Variants in ESR1 observed in about 807,000 individuals in gnomAD.
ESR1 encodes estrogen receptor.
Under a neutral mutation model 52.7 loss-of-function variants are expected in ESR1, and 12 were observed. The observed-to-expected ratio is 0.23, with a 90% CI of 0.15 to 0.37. The LOEUF (loss-of-function observed/expected upper bound fraction) is 0.37. Ranked by LOEUF, ESR1 falls within the 10% of genes least tolerant of loss-of-function variation. ESR1 has a pLI of 1.00. For synonymous variants in ESR1, 305 were observed against 316.8 expected (o/e 0.96, Z 0.39); for missense variants, 584 against 779.7 (o/e 0.75, Z 2.99).
chr6:151,995,515 A>G (rs1365342763), intron 4 of ESR1, among the ~76,000 whole-genome samples: 1 of 152,202 alleles, frequency 6.6e-6, no homozygotes, highest in Non-Finnish European at 1.5e-5. Context: ...GCTTCAAGTA[A>G]AATTATGACT....
At chr6:151,836,829 G>A (rs1783413698) in intron 1 of ESR1, among the ~76,000 whole-genome samples, 1 of 152,096 alleles carries the variant, frequency 6.6e-6, no homozygotes, top group Admixed American at 6.5e-5. Flanking sequence ...TCTAGGAAGT[G>A]GACATCTATT....
At chr6:151,962,682 T>A (rs980449038) in intron 4 of ESR1, among the ~76,000 whole-genome samples, 3 of 152,216 alleles carry the variant, frequency 2.0e-5, no homozygotes, top group African/African-American at 7.2e-5. Context: ...GGCTCTTTGA[T>A]CTCTGGTGTT....
chr6:152,047,484 A>G (rs1403162490), intron 5 of ESR1, among the ~76,000 whole-genome samples: 1 of 152,178 alleles, frequency 6.6e-6, no homozygotes, highest in Non-Finnish European at 1.5e-5. Context: ...AGGCATTTCA[A>G]TGGCCATGAT....
intron 3 of ESR1, among the ~76,000 whole-genome samples, chr6:151,924,288 G>T (rs184594672): frequency 6.6e-6 from 1 of 152,082 alleles, no homozygotes; most frequent in Non-Finnish European, 1.5e-5. Context: ...TGATCCACCC[G>T]CCCTGGCCTC....
intron 2 of ESR1, among the ~76,000 whole-genome samples, chr6:151,725,770 T>C (rs1308325379): frequency 6.6e-6 from 1 of 152,266 alleles, no homozygotes; most frequent in Admixed American, 6.5e-5. Flanking sequence ...GTCTGAATTT[T>C]GTCCTCTGGG....
At chr6:151,713,072 C>CT (rs1247325420) in intron 2 of ESR1, among the ~76,000 whole-genome samples, 1 of 151,978 alleles carries the variant, frequency 6.6e-6, no homozygotes, top group African/African-American at 2.4e-5. Flanking sequence ...TATTGAAGGC[C>CT]TTTTTTTCAT....
At chr6:151,675,547 A>T (rs1316116654) in intron 1 of ESR1, among the ~76,000 whole-genome samples, 2 of 152,090 alleles carry the variant, frequency 1.3e-5, no homozygotes, top group Non-Finnish European at 2.9e-5. Context: ...ACTGGAATGA[A>T]AAAAAAATCA....
intron 2 of ESR1, among the ~76,000 whole-genome samples, chr6:151,739,184 C>G (rs1782893061): frequency 6.6e-6 from 1 of 152,158 alleles, no homozygotes; most frequent in Non-Finnish European, 1.5e-5. Flanking sequence ...TGGTAATTGT[C>G]AGATTTCTAG....
intron 3 of ESR1, among the ~76,000 whole-genome samples, chr6:151,927,274 G>A (rs2032899626): frequency 6.6e-6 from 1 of 152,124 alleles, no homozygotes. Flanking sequence ...TTGTGCCAGT[G>A]CTCAGGAGAG....
At chr6:152,090,119 A>C (rs1414993891) in intron 6 of ESR1, among the ~76,000 whole-genome samples, 1 of 152,168 alleles carries the variant, frequency 6.6e-6, no homozygotes, top group Non-Finnish European at 1.5e-5. Context: ...CATGGTGTTC[A>C]TCGGACGGTC....
intron 2 of ESR1, among the ~76,000 whole-genome samples, chr6:151,726,383 G>A (rs935441750): frequency 1.3e-5 from 2 of 151,878 alleles, no homozygotes; most frequent in South Asian, 2.1e-4. Flanking sequence ...CCAGGCTGGA[G>A]TGCAGTGGCG....
In ESR1 at chr6:151,873,812, T is replaced by C. The variant is rs185318839; in HGVS notation, c.644-6843T>C. On this transcript the variant is annotated intron_variant, in intron 2 of 7. Transcript: ENST00000206249. ...AGAAAGGAAGTCAGATTTTGACATC[T>C]TACTTGTCAACTTAAATTATTTATA... 2.1e-3 allele frequency among the ~76,000 whole-genome samples: 322 copies of C among 152,248 alleles called. 5 individuals carry two copies. The highest frequency in any genetic ancestry group is 0.019 in the Admixed American group (295 of 15,288).
intron 1 of ESR1, among the ~76,000 whole-genome samples, chr6:151,665,450 C>G (rs927937275): frequency 6.6e-6 from 1 of 152,156 alleles, no homozygotes; most frequent in Non-Finnish European, 1.5e-5. Context: ...ATCGTGATCT[C>G]TGAACTCAGA....
chr6:151,713,848 G>T (rs532104566), intron 2 of ESR1, among the ~76,000 whole-genome samples: 5 of 151,858 alleles, frequency 3.3e-5, no homozygotes, highest in Non-Finnish European at 7.4e-5. Context: ...CTTCAGTTCT[G>T]CTCTGATCTT....
chr6:151,971,552 T>C (rs1396543084), intron 4 of ESR1, among the ~76,000 whole-genome samples: 1 of 152,184 alleles, frequency 6.6e-6, no homozygotes, highest in East Asian at 1.9e-4. Context: ...TGCTCCTGAA[T>C]GATCATTAAG....
intron 6 of ESR1, among the ~76,000 whole-genome samples, chr6:152,066,158 C>T (rs1360603557): frequency 1.3e-5 from 2 of 152,188 alleles, no homozygotes; most frequent in African/African-American, 2.4e-5. Flanking sequence ...GATGCTGAAG[C>T]AGATGCCATT....
At chr6:151,843,925 T>TA (rs904409084) in intron 2 of ESR1, among the ~76,000 whole-genome samples, 1 of 150,360 alleles carries the variant, frequency 6.7e-6, no homozygotes, top group Admixed American at 6.6e-5. Context: ...TTTTTTTTTT[T>TA]AAAAGCTGTT....
intron 6 of ESR1, among the ~76,000 whole-genome samples, chr6:152,083,663 C>T (rs1021444964): frequency 6.6e-6 from 1 of 152,192 alleles, no homozygotes; most frequent in Admixed American, 6.5e-5. Flanking sequence ...TCAGAGTGAA[C>T]AGGCAACCTA....
chr6:151,693,568 C>A (rs996152964), intron 1 of ESR1, among the ~76,000 whole-genome samples: 18 of 152,316 alleles, frequency 1.2e-4, no homozygotes, highest in African/African-American at 3.6e-4. Context: ...TCAACAGAAG[C>A]ATGTTGCTTC....
Sources: gnomAD v4.1 joint callset for allele counts (sites outside exome capture counted in the v4.1 genomes callset) on GRCh38, gnomAD v4.1.1 for gene constraint, MANE v1.5 for transcripts, NCBI Gene and HGNC (gene_info 2026-07-23, HGNC 2026-07-21) for gene names.